The following TMEFF2 variants were observed in gnomAD, a reference collection of about 807,000 sequenced individuals.
TMEFF2 encodes the protein transmembrane protein with EGF like and two follistatin like domains 2, also known as tomoregulin-2.
In TMEFF2, 28 loss-of-function variants were observed where a neutral mutation model predicts 53.8. The ratio of observed to expected loss-of-function variants is 0.52; its 90% confidence interval spans 0.39 to 0.71. TMEFF2 has a LOEUF of 0.71. TMEFF2 is among the 30% of genes least tolerant of loss of function. The probability of loss-of-function intolerance (pLI) is 0.00; values close to 1 mark genes in which losing one functional copy is unlikely to be tolerated. For synonymous variants in TMEFF2, 162 were observed against 166.3 expected (o/e 0.97, Z 0.20); for missense variants, 353 against 455.2 (o/e 0.78, Z 2.04).
chr2:192,176,841 T>A (rs1032919525), intron 4 of TMEFF2: 3 of 151,044 alleles, frequency 2.0e-5, no homozygotes, highest in African/African-American at 7.3e-5. Context: ...TATAGGAAAA[T>A]TTTTAAAAAG....
At chr2:192,076,810 T>A (rs1688442644) in intron 4 of TMEFF2, among the ~76,000 whole-genome samples, 1 of 152,132 alleles carries the variant, frequency 6.6e-6, no homozygotes, top group Admixed American at 6.6e-5. Flanking sequence ...TGAAGTGGCA[T>A]GTGAGTGATC....
intron 2 of TMEFF2, among the ~76,000 whole-genome samples, chr2:192,191,081 A>C (rs1574450326): frequency 6.6e-6 from 1 of 152,154 alleles, no homozygotes; most frequent in African/African-American, 2.4e-5. Flanking sequence ...TTATATGAAC[A>C]CTTTGAGAGG....
At chr2:192,148,506 T>G (rs1690307080) in intron 4 of TMEFF2, among the ~76,000 whole-genome samples, 1 of 151,950 alleles carries the variant, frequency 6.6e-6, no homozygotes, top group African/African-American at 2.4e-5. Context: ...ATCTCTGGAG[T>G]ACTTATTACT....
chr2:192,179,534 T>G (rs1691134976), intron 4 of TMEFF2, 134 bp downstream of exon 4: 1 of 945,112 alleles, frequency 1.1e-6, no homozygotes. Context: ...GGTGACAATT[T>G]TTTATGGTTT....
At chr2:192,165,593 T>G (rs922223309) in intron 4 of TMEFF2, among the ~76,000 whole-genome samples, 9 of 152,106 alleles carry the variant, frequency 5.9e-5, no homozygotes, top group African/African-American at 2.2e-4. Flanking sequence ...TCTTTGTCAG[T>G]GTTTCTATAA....
intron 4 of TMEFF2, among the ~76,000 whole-genome samples, chr2:192,092,511 G>A (rs564301104): frequency 6.6e-6 from 1 of 152,136 alleles, no homozygotes; most frequent in African/African-American, 2.4e-5. Context: ...CATTGATTTA[G>A]GACTGGCTGG....
At chr2:192,061,835 A>G (rs1271491618) in intron 4 of TMEFF2, among the ~76,000 whole-genome samples, 4 of 152,006 alleles carry the variant, frequency 2.6e-5, no homozygotes, top group African/African-American at 7.3e-5. Flanking sequence ...TTTGTTTAAG[A>G]GTCTGGAACC....
chr2:192,161,658 T>C (rs1056603307), intron 4 of TMEFF2, among the ~76,000 whole-genome samples: 1 of 152,200 alleles, frequency 6.6e-6, no homozygotes, highest in Non-Finnish European at 1.5e-5. Context: ...TGTGTCCTTT[T>C]CTTCTGTTAA....
At chr2:191,951,598 A>G (rs1691884768) in intron 9 of TMEFF2, among the ~76,000 whole-genome samples, 2 of 152,100 alleles carry the variant, frequency 1.3e-5, no homozygotes, top group Non-Finnish European at 2.9e-5. Context: ...GTCTTGACAG[A>G]CAAATGTGGC....
chr2:192,043,109 C>A (rs1412845258), intron 5 of TMEFF2, among the ~76,000 whole-genome samples: 1 of 152,164 alleles, frequency 6.6e-6, no homozygotes, highest in Non-Finnish European at 1.5e-5. Flanking sequence ...ATCAGAATAG[C>A]CAGATTCATG....
intron 5 of TMEFF2, among the ~76,000 whole-genome samples, chr2:192,056,852 G>T (rs1687922786): frequency 1.3e-5 from 2 of 152,134 alleles, no homozygotes; most frequent in African/African-American, 4.8e-5. Flanking sequence ...GCCATGTGAA[G>T]CTTCAGTAAG....
intron 5 of TMEFF2, among the ~76,000 whole-genome samples, chr2:192,018,658 T>C (rs919281927): frequency 3.9e-5 from 6 of 152,110 alleles, no homozygotes; most frequent in Non-Finnish European, 7.4e-5. Context: ...CTCTTCCCCA[T>C]CCAAATCCCC....
chr2:192,115,377 C>A (rs1303067443), intron 4 of TMEFF2, among the ~76,000 whole-genome samples: 1 of 151,846 alleles, frequency 6.6e-6, no homozygotes, highest in African/African-American at 2.4e-5. Context: ...AAAATTCCTA[C>A]AAGAAAACAT....
intron 5 of TMEFF2, among the ~76,000 whole-genome samples, chr2:192,001,265 C>T (rs180909045): frequency 2.0e-5 from 3 of 151,968 alleles, no homozygotes; most frequent in Non-Finnish European, 4.4e-5. Flanking sequence ...ACTTGTCTAC[C>T]TAAATGGTAA....
intron 4 of TMEFF2, among the ~76,000 whole-genome samples, chr2:192,102,899 T>G (rs1184966830): frequency 6.6e-6 from 1 of 151,966 alleles, no homozygotes; most frequent in African/African-American, 2.4e-5. Flanking sequence ...ACCATCCTAT[T>G]GAAAATTGCA....
At chr2:191,959,405 C>A (rs1249300782) in intron 7 of TMEFF2, among the ~76,000 whole-genome samples, 17 of 152,218 alleles carry the variant, frequency 1.1e-4, no homozygotes, top group African/African-American at 4.1e-4. Flanking sequence ...GTCAACACTT[C>A]AGTCAAGAGC....
In TMEFF2 at chr2:191,955,632, T is replaced by C. The variant is rs186610015; in HGVS notation, c.869+623A>G. Among the ~76,000 whole-genome samples the C allele has an allele frequency of 2.8e-5, 4 of 145,286 alleles. No individual in the cohort carries two copies. In the East Asian group the frequency reaches 8.6e-4, roughly 31 times the overall value. ...TTCCCAAAATGCGGGATTACAGGTG[T>C]GAGCCATCATGCCTGGCCAGTATTT... On this transcript the variant is annotated intron_variant, in intron 8 of 9. Coordinates refer to ENST00000272771, the MANE Select transcript of TMEFF2 (RefSeq NM_016192.4).
intron 4 of TMEFF2, among the ~76,000 whole-genome samples, chr2:192,065,503 C>A (rs1012411303): frequency 6.6e-6 from 1 of 151,746 alleles, no homozygotes; most frequent in Non-Finnish European, 1.5e-5. Flanking sequence ...GAGAAAAGAG[C>A]TTTTACACAC....
chr2:192,124,511 G>T (rs1025226029), intron 4 of TMEFF2, among the ~76,000 whole-genome samples: 7 of 152,156 alleles, frequency 4.6e-5, no homozygotes, highest in Non-Finnish European at 8.8e-5. Flanking sequence ...TGGATGCGTT[G>T]CTCCTTCTCT....
Sources: allele counts gnomAD v4.1 joint callset (sites outside exome capture counted in the v4.1 genomes callset), GRCh38; gene constraint gnomAD v4.1.1; transcripts MANE v1.5; gene names NCBI Gene and HGNC (gene_info 2026-07-23, HGNC 2026-07-21).